DPP10: variants seen among roughly 807,000 people sequenced by gnomAD.
DPP10 encodes the protein inactive dipeptidyl peptidase 10.
Under a neutral mutation model 120.9 loss-of-function variants are expected in DPP10, and 33 were observed. That is an observed-to-expected ratio of 0.27 (90% CI 0.21 to 0.37). The LOEUF (loss-of-function observed/expected upper bound fraction) is 0.37. DPP10 is among the 10% of genes least tolerant of loss of function. DPP10 has a pLI of 1.00. For missense variants in DPP10, 816 were observed against 942.8 expected (o/e 0.87, Z 1.76); for synonymous variants, 337 against 326.1 (o/e 1.03, Z -0.36).
At chr2:115,264,310 G>A (rs1305332002) in intron 1 of DPP10, among the ~76,000 whole-genome samples, 1 of 152,164 alleles carries the variant, frequency 6.6e-6, no homozygotes, top group Non-Finnish European at 1.5e-5. Flanking sequence ...CCTGTATGTT[G>A]TTAATGTGTC....
intron 4 of DPP10, among the ~76,000 whole-genome samples, chr2:115,503,511 A>G (rs1325702385): frequency 6.6e-6 from 1 of 152,174 alleles, no homozygotes; most frequent in Non-Finnish European, 1.5e-5. Flanking sequence ...GGCACCGACA[A>G]TTGTACCTCA....
intron 7 of DPP10, among the ~76,000 whole-genome samples, chr2:115,693,769 C>T (rs1470294244): frequency 6.6e-6 from 1 of 152,126 alleles, no homozygotes; most frequent in Non-Finnish European, 1.5e-5. Flanking sequence ...TCTGGTTCTA[C>T]TGCTTACTAG....
intron 1 of DPP10, among the ~76,000 whole-genome samples, chr2:114,940,093 T>C (rs1696779699): frequency 6.6e-6 from 1 of 152,178 alleles, no homozygotes; most frequent in Non-Finnish European, 1.5e-5. Flanking sequence ...GTCTGTATTT[T>C]AATCCCTAGC....
chr2:115,795,844 T>C (rs1684470298), intron 19 of DPP10, among the ~76,000 whole-genome samples: 1 of 152,140 alleles, frequency 6.6e-6, no homozygotes, highest in African/African-American at 2.4e-5. Flanking sequence ...ACATCCTATC[T>C]GGATGACTGA....
intron 2 of DPP10, among the ~76,000 whole-genome samples, chr2:115,335,492 G>A (rs1166163498): frequency 6.6e-6 from 1 of 151,862 alleles, no homozygotes; most frequent in Admixed American, 6.6e-5. Context: ...TATTTCATCT[G>A]CTGCCTAAAG....
At chr2:115,188,061 A>AGAGAG (rs2054587109) in intron 1 of DPP10, among the ~76,000 whole-genome samples, 2 of 146,980 alleles carry the variant, frequency 1.4e-5, no homozygotes, top group Non-Finnish European at 3.0e-5. Context: ...GAGAGAGGCA[A>AGAGAG]AGAGAGAGAG....
intron 1 of DPP10, among the ~76,000 whole-genome samples, chr2:114,728,785 T>C (rs985361741): frequency 2.0e-5 from 3 of 152,198 alleles, no homozygotes. Context: ...TTCCGTATAG[T>C]TGGATTATAT....
At chr2:115,300,855 T>G (rs915945588) in intron 1 of DPP10, among the ~76,000 whole-genome samples, 1 of 152,058 alleles carries the variant, frequency 6.6e-6, no homozygotes, top group Non-Finnish European at 1.5e-5. Context: ...TCCAGAGATT[T>G]ATTTTGATCT....
intron 1 of DPP10, among the ~76,000 whole-genome samples, chr2:114,557,041 G>A (rs1446981501): frequency 6.8e-6 from 1 of 148,028 alleles, no homozygotes; most frequent in Non-Finnish European, 1.5e-5. Flanking sequence ...CTTAGAAGTA[G>A]AGAAAAGTGC....
At chr2:115,757,744 C>T (rs1679604476) in intron 11 of DPP10, among the ~76,000 whole-genome samples, 1 of 150,758 alleles carries the variant, frequency 6.6e-6, no homozygotes, top group African/African-American at 2.4e-5. Context: ...ATCCCAGGAA[C>T]TTAAGATTGG....
intron 5 of DPP10, among the ~76,000 whole-genome samples, chr2:115,625,263 A>T (rs570763640): frequency 8.7e-4 from 132 of 152,286 alleles, no homozygotes; most frequent in African/African-American, 3.1e-3. Context: ...TTATCTTCAC[A>T]AATCTTTGAA....
At chr2:115,043,148 A>T (rs1396925) in intron 1 of DPP10, among the ~76,000 whole-genome samples, 66,544 of 152,030 alleles carry the variant, frequency 0.44, 15,356 homozygotes, top group Non-Finnish European at 0.5. Flanking sequence ...CTATTTTTTT[A>T]GAGCCTCTGA....
chr2:115,361,041 G>A (rs955051640), intron 3 of DPP10, among the ~76,000 whole-genome samples: 2 of 152,120 alleles, frequency 1.3e-5, no homozygotes, highest in Non-Finnish European at 2.9e-5. Context: ...CAAGCCTTTT[G>A]TTCTCCGATT....
intron 3 of DPP10, among the ~76,000 whole-genome samples, chr2:115,352,674 G>T (rs17044243): frequency 0.027 from 4,146 of 152,118 alleles, 72 homozygotes; most frequent in South Asian, 0.06. Flanking sequence ...AATATAAAGG[G>T]TTTTTTTCCT....
intron 1 of DPP10, among the ~76,000 whole-genome samples, chr2:115,078,191 T>C (rs1295520434): frequency 6.6e-6 from 1 of 152,214 alleles, no homozygotes; most frequent in Non-Finnish European, 1.5e-5. Context: ...TTAAATATTG[T>C]TAAATTAAAA....
At chr2:115,127,968 C>T (rs925915404) in intron 1 of DPP10, among the ~76,000 whole-genome samples, 6 of 151,802 alleles carry the variant, frequency 4.0e-5, no homozygotes, top group Non-Finnish European at 5.9e-5. Context: ...GAGTTTTGAC[C>T]ATGTGCTTGT....
rs560522001 is a variant in DPP10 at position 115,794,745 on chromosome 2, G to T, written c.1700+3389G>T. Among the ~76,000 whole-genome samples, 119 of 152,066 alleles carry T rather than the reference G, an allele frequency of 7.8e-4. 1 individual carries two copies. Among genetic ancestry groups the T allele is most frequent in the Middle Eastern group, 3.4e-3 (1 of 294 alleles). On this transcript the variant is annotated intron_variant, in intron 19 of 25. Coordinates refer to ENST00000410059, the MANE Select transcript of DPP10 (RefSeq NM_020868.6). ...CTGCCTTTCTGTTTAACATTATAGG[G>T]AGCCCTTAAGGACCCGGAGTCCTTA...
intron 24 of DPP10, among the ~76,000 whole-genome samples, chr2:115,837,734 G>A (rs1007934366): frequency 1.3e-5 from 2 of 151,926 alleles, no homozygotes; most frequent in Non-Finnish European, 2.9e-5. Flanking sequence ...AGTACTCCAA[G>A]CCCATACATA....
intron 1 of DPP10, among the ~76,000 whole-genome samples, chr2:114,672,966 G>C (rs941024827): frequency 3.9e-5 from 6 of 152,056 alleles, no homozygotes; most frequent in Non-Finnish European, 8.8e-5. Context: ...ATGTTCTAAG[G>C]CCGTCTCAGC....
Sources: allele counts gnomAD v4.1 joint callset (sites outside exome capture counted in the v4.1 genomes callset), GRCh38; gene constraint gnomAD v4.1.1; transcripts MANE v1.5; gene names NCBI Gene and HGNC (gene_info 2026-07-23, HGNC 2026-07-21).